The following TMEM132B variants were observed in gnomAD, a reference collection of about 807,000 sequenced individuals.
The protein encoded by TMEM132B is transmembrane protein 132B.
Under a neutral mutation model 90.8 loss-of-function variants are expected in TMEM132B, and 18 were observed. The ratio of observed to expected loss-of-function variants is 0.20; its 90% CI spans 0.14 to 0.29. TMEM132B has a LOEUF of 0.29. Ranked by LOEUF, TMEM132B falls within the 10% of genes least tolerant of loss-of-function variation. The pLI is 1.00. For missense variants in TMEM132B, 1,096 were observed against 1,326.8 expected (o/e 0.83, Z 2.70); for synonymous variants, 504 against 523.3 (o/e 0.96, Z 0.50).
intron 4 of TMEM132B, among the ~76,000 whole-genome samples, 156 bp downstream of exon 4, chr12:125,519,781 C>G (rs921068466): frequency 3.3e-5 from 5 of 152,228 alleles, no homozygotes; most frequent in Non-Finnish European, 7.3e-5. Context: ...TTCATAATGG[C>G]TCCTTGGGAA....
rs1281881340 is a variant in TMEM132B at position 125,541,855 on chromosome 12, T to TA, written c.1293+22239dup. Among the ~76,000 whole-genome samples, 60 of 149,588 alleles carry TA rather than the reference T, an allele frequency of 4.0e-4. No homozygotes were observed. The South Asian group carries it at 0.011, about 28-fold the overall frequency. On this transcript the variant is annotated intron_variant, in intron 4 of 8. Coordinates refer to ENST00000682704, the MANE Select transcript of TMEM132B (RefSeq NM_001366854.1). The stretch of plus-strand genomic sequence containing the variant: ...TAACACGGTGAAACCCCGTCTCTAC[T>TA]AAAAAAAAATATATAAAAAATTAGC...
chr12:125,245,654 C>T (rs1874190392), intron 1 of TMEM132B, among the ~76,000 whole-genome samples: 1 of 152,168 alleles, frequency 6.6e-6, no homozygotes, highest in Admixed American at 6.5e-5. Context: ...ACGGTTCCAG[C>T]ACCCCAGCCC....
At chr12:125,497,099 A>G (rs532986772) in intron 3 of TMEM132B, among the ~76,000 whole-genome samples, 2 of 152,262 alleles carry the variant, frequency 1.3e-5, no homozygotes, top group South Asian at 2.1e-4. Context: ...GGGTCCCCCT[A>G]TTACCCAGCC....
chr12:125,479,777 C>T (rs1415209026), intron 3 of TMEM132B, among the ~76,000 whole-genome samples: 2 of 152,304 alleles, frequency 1.3e-5, no homozygotes, highest in East Asian at 1.9e-4. Context: ...ATCTACAGAA[C>T]TCTCCACCCC....
chr12:125,310,838 C>T (rs12426669), intron 1 of TMEM132B, among the ~76,000 whole-genome samples: 12,857 of 152,178 alleles, frequency 0.084, 615 homozygotes, highest in Non-Finnish European at 0.1. Context: ...ACGGGTGTGT[C>T]GATGTGAGAA....
At chr12:125,521,410 G>A (rs1883302918) in intron 4 of TMEM132B, among the ~76,000 whole-genome samples, 1 of 152,116 alleles carries the variant, frequency 6.6e-6, no homozygotes, top group Non-Finnish European at 1.5e-5. Context: ...AGGGCACTAG[G>A]GTACATAGCT....
At chr12:125,545,112 G>A (rs888119700) in intron 4 of TMEM132B, among the ~76,000 whole-genome samples, 5 of 152,148 alleles carry the variant, frequency 3.3e-5, no homozygotes, top group African/African-American at 9.7e-5. Flanking sequence ...AAGGGGAGGA[G>A]GCTCAATGTT....
At chr12:125,306,169 G>A (rs566300614) in intron 1 of TMEM132B, among the ~76,000 whole-genome samples, 2 of 152,250 alleles carry the variant, frequency 1.3e-5, no homozygotes, top group African/African-American at 4.8e-5. Flanking sequence ...GGAGTCTAAA[G>A]TTGGCAGATT....
chr12:125,509,039 C>A (rs1882915414), intron 3 of TMEM132B, among the ~76,000 whole-genome samples: 1 of 152,060 alleles, frequency 6.6e-6, no homozygotes, highest in South Asian at 2.1e-4. Context: ...CCGCCTCGGC[C>A]TCTCAACATG....
At chr12:125,582,271 AATTATTATTATTATTATTATTATT>A (rs3042320) in intron 4 of TMEM132B, among the ~76,000 whole-genome samples, 4 of 145,820 alleles carry the variant, frequency 2.7e-5, no homozygotes, top group Admixed American at 2.1e-4. Context: ...AAGTTTTAGC[AATTATTATTATTATTATTATTATT>A]ATTATTATTA....
At chr12:125,558,789 A>G (rs1449647830) in intron 4 of TMEM132B, among the ~76,000 whole-genome samples, 1 of 152,190 alleles carries the variant, frequency 6.6e-6, no homozygotes, top group Non-Finnish European at 1.5e-5. Context: ...CCACCCACTC[A>G]TCCACCAATC....
chr12:125,259,298 G>A (rs375670527), intron 1 of TMEM132B, among the ~76,000 whole-genome samples: 92 of 152,196 alleles, frequency 6.0e-4, no homozygotes, highest in African/African-American at 2.1e-3. Context: ...CAGGATGCCC[G>A]GCATCTATAG....
At chr12:125,622,520 G>C in intron 5 of TMEM132B, 1 of 981,928 alleles carries the variant, frequency 1.0e-6, no homozygotes, top group Non-Finnish European at 1.2e-6. Context: ...TGTAGATCCT[G>C]CAGACTGCGT....
At chr12:125,650,595 G>T in intron 6 of TMEM132B, 88 bp from the exon 7 acceptor site, 1 of 1,481,622 alleles carries the variant, frequency 6.7e-7, no homozygotes, top group Non-Finnish European at 9.1e-7. Context: ...ATTTCATTCT[G>T]TGGGCTCACC....
At chr12:125,274,428 T>C (rs1356338881) in intron 1 of TMEM132B, among the ~76,000 whole-genome samples, 2 of 152,232 alleles carry the variant, frequency 1.3e-5, no homozygotes, top group Non-Finnish European at 2.9e-5. Flanking sequence ...GTTCACTGCA[T>C]CTTCAACTTT....
intron 1 of TMEM132B, among the ~76,000 whole-genome samples, chr12:125,247,328 C>T (rs1009126074): frequency 2.0e-5 from 3 of 152,158 alleles, no homozygotes; most frequent in Non-Finnish European, 2.9e-5. Flanking sequence ...GGGACAGTTT[C>T]GTATAACAGG....
rs1879221270 is a variant in TMEM132B, at chr12:125,398,308, G to C, written c.960-17223G>C. ...TCATTTTTATATATGTGCCTTCTAGGGGGTGGTATCTCATCGATTGAAAAC... is the reference window on the plus strand; with the variant it reads ...TCATTTTTATATATGTGCCTTCTAGCGGGTGGTATCTCATCGATTGAAAAC... On this transcript the variant is annotated intron_variant, in intron 2 of 8. Coordinates refer to ENST00000682704, the MANE Select transcript of TMEM132B (RefSeq NM_001366854.1). 2.0e-5 allele frequency among the ~76,000 whole-genome samples: 3 copies of C among 152,248 alleles called. No homozygotes were observed. In the East Asian group the frequency reaches 5.8e-4, roughly 29 times the overall value.
At chr12:125,437,297 A>G (rs1041388213) in intron 3 of TMEM132B, among the ~76,000 whole-genome samples, 1 of 152,210 alleles carries the variant, frequency 6.6e-6, no homozygotes, top group African/African-American at 2.4e-5. Flanking sequence ...ATCTTAATGT[A>G]ACATGACTTC....
intron 1 of TMEM132B, among the ~76,000 whole-genome samples, chr12:125,308,008 A>G (rs1354121909): frequency 7.3e-6 from 1 of 136,536 alleles, no homozygotes; most frequent in African/African-American, 2.6e-5. Flanking sequence ...TATAAGTAAT[A>G]TAAGTATATA....
Sources: allele counts gnomAD v4.1 joint callset (sites outside exome capture counted in the v4.1 genomes callset), GRCh38; gene constraint gnomAD v4.1.1; transcripts MANE v1.5; gene names NCBI Gene and HGNC (gene_info 2026-07-23, HGNC 2026-07-21).